RNF25: variants seen among roughly 807,000 people sequenced by gnomAD.
RNF25 encodes the protein E3 ubiquitin-protein ligase RNF25.
A neutral mutation model predicts 65.0 loss-of-function variants in RNF25; 32 were observed. The observed-to-expected ratio is 0.49, with a 90% CI of 0.37 to 0.66. The LOEUF (loss-of-function observed/expected upper bound fraction) is 0.66, where lower values mean the gene tolerates loss of function less well. Ranked by LOEUF, RNF25 falls within the 30% of genes least tolerant of loss-of-function variation. The pLI is 0.00. For synonymous variants in RNF25, 207 were observed against 221.2 expected (o/e 0.94, Z 0.57); for missense variants, 493 against 584.8 (o/e 0.84, Z 1.62).
intron 5 of RNF25, 33 bp downstream of exon 5, chr2:218,667,879 A>T (rs1939868757): frequency 1.9e-6 from 3 of 1,598,918 alleles, no homozygotes; most frequent in Non-Finnish European, 2.6e-6. Flanking sequence ...AGCTTGAAGG[A>T]AAGAACATAT....
intron 1 of RNF25, 40 bp downstream of exon 1, chr2:218,671,890 G>C (rs748173511): frequency 1.2e-6 from 2 of 1,612,718 alleles, no homozygotes; most frequent in African/African-American, 1.3e-5. Context: ...CTCTGGACTA[G>C]ATCCAGGCTG....
In RNF25 at chr2:218,667,988, G is replaced by A. The variant is rs776869833; in HGVS notation, c.288-7C>T. 1.2e-6 allele frequency: 2 copies of A among 1,614,136 alleles called. No individual in the cohort carries two copies. Among genetic ancestry groups the A allele is most frequent in the Admixed American group, 3.3e-5 (2 of 60,020 alleles). ...GCCCAGCACCTGTAAGATCCTGGAG[G>A]AAGAGGGCAAACCAAATATTAGACC... On this transcript the variant is annotated splice_region_variant and splice_polypyrimidine_tract_variant and intron_variant, in intron 4 of 9. Transcript: ENST00000295704.
rs1939818533 is a variant in RNF25, at chr2:218,665,997, C to T, written c.492G>A (p.Arg164=). Residue 164 remains arginine, a synonymous_variant, in exon 7 of 10, where the codon CGG becomes CGA. Coordinates refer to ENST00000295704, the MANE Select transcript of RNF25 (RefSeq NM_022453.3). The stretch of plus-strand genomic sequence containing the variant: ...GCTCTTGCTCCATGTGCTGGATGTA[C>T]CGAGCAAGGCAGTGGCAGTGGAAGT... ...YHYFHCHCLA[R]YIQHMEQELK... 2 of 1,614,102 alleles carry T rather than the reference C, an allele frequency of 1.2e-6. No homozygotes were observed. The highest frequency in any genetic ancestry group is 1.3e-5 in the African/African-American group (1 of 75,014).
Position 218,664,964 on chromosome 2 carries a change from C to G in RNF25, c.667-91G>C. On this transcript the variant is annotated intron_variant, in intron 8 of 9. Transcript: ENST00000295704. This position sits in a 1 kb window ranked among gnomAD's most constrained non-coding sequence, Gnocchi z 5.1. ...CCCAGGCTGCCTCAGGAGATCTGCA[C>G]TGGTTTTGCCCCTCAGGTCTGGGCT... 6.4e-7 allele frequency: 1 copy of G among 1,554,462 alleles called. No individual in the cohort carries two copies. The highest frequency in any genetic ancestry group is 8.7e-7 in the Non-Finnish European group (1 of 1,145,260).
chr2:218,670,491 A>C (rs1179556930), intron 1 of RNF25, among the ~76,000 whole-genome samples: 1 of 151,674 alleles, frequency 6.6e-6, no homozygotes, highest in Non-Finnish European at 1.5e-5. Context: ...GTCAGGAGAT[A>C]GAGACCATCC....
intron 5 of RNF25, 30 bp downstream of exon 5, chr2:218,667,882 G>T (rs766441375): frequency 1.2e-6 from 2 of 1,602,490 alleles, no homozygotes; most frequent in South Asian, 2.2e-5. Flanking sequence ...TTGAAGGAAA[G>T]AACATATCTC....
chr2:218,666,377 G>A (rs758548492), intron 5 of RNF25, 147 bp from the exon 6 acceptor site: 11 of 641,008 alleles, frequency 1.7e-5, no homozygotes, highest in African/African-American at 9.1e-5. Context: ...GCTTGGTGAC[G>A]CTCCCTCTGC....
chr2:218,668,698 A>C lies in RNF25; in HGVS notation c.42-19T>G. Reference sequence around the variant, plus strand: ...AAGGACCCTAGAGAGACAGGAGTAGACTAACTTACCATTACAGCTCTCCCT... The same window carrying C: ...AAGGACCCTAGAGAGACAGGAGTAGCCTAACTTACCATTACAGCTCTCCCT... On this transcript the variant is annotated intron_variant, in intron 1 of 9. Transcript: ENST00000295704. 1 of 1,552,592 alleles carries C rather than the reference A, an allele frequency of 6.4e-7. No individual in the cohort carries two copies. The highest frequency in any genetic ancestry group is 8.9e-7 in the Non-Finnish European group (1 of 1,125,250).
intron 7 of RNF25, among the ~76,000 whole-genome samples, chr2:218,665,674 C>T (rs1055211495): frequency 6.7e-6 from 1 of 150,266 alleles, no homozygotes; most frequent in Non-Finnish European, 1.5e-5. Context: ...ACCCAGGAGG[C>T]GGAGGTTGCA....
intron 4 of RNF25, 37 bp downstream of exon 4, chr2:218,668,042 T>C: frequency 6.2e-7 from 1 of 1,613,086 alleles, no homozygotes; most frequent in African/African-American, 1.3e-5. Context: ...GGCAAAGCTG[T>C]AGCTGAGTTT....
At chr2:218,668,171 C>T in intron 3 of RNF25, 25 bp from the exon 4 acceptor site, 1 of 1,613,734 alleles carries the variant, frequency 6.2e-7, no homozygotes, top group African/African-American at 1.3e-5. Flanking sequence ...TAACAAGTTA[C>T]TGCTGAAGCG....
At chr2:218,670,281 G>A (rs925974461) in intron 1 of RNF25, among the ~76,000 whole-genome samples, 2 of 151,496 alleles carry the variant, frequency 1.3e-5, no homozygotes, top group Non-Finnish European at 2.9e-5. Context: ...GCCAGTACTA[G>A]CTGGGCTCCC....
At chr2:218,668,920 A>G (rs752988900) in intron 1 of RNF25, among the ~76,000 whole-genome samples, 4 of 152,250 alleles carry the variant, frequency 2.6e-5, no homozygotes, top group Admixed American at 6.5e-5. Context: ...CTAGAGAAGT[A>G]AAATGACTAA....
At chr2:218,668,182 G>A (rs2556385) in intron 3 of RNF25, 36 bp from the exon 4 acceptor site, 699,350 of 1,611,658 alleles carry the variant, frequency 0.43, 161,222 homozygotes, top group African/African-American at 0.86. Flanking sequence ...TGCTGAAGCG[G>A]TCCACCCCAG....
chr2:218,664,497 G>A lies in RNF25; in HGVS notation c.840C>T (p.Val280=), dbSNP rs368683871. Residue 280 remains valine (V), a synonymous_variant, in exon 10 of 10, where the codon GTC becomes GTT. Transcript: ENST00000295704. The surrounding 1 kb of genome is among the most constrained non-coding windows in gnomAD (Gnocchi z 5.1). The part of the protein sequence containing the change: ...APAEPESAVD[V]SKGSQPPSTL... ...TGCTGGGTGGTTGGGATCCTTTGGA[G>A]ACATCTACAGCTGACTCAGGTTCCG... is the stretch of plus-strand genomic sequence containing the variant. 1.9e-6 allele frequency: 3 copies of A among 1,613,986 alleles called. No homozygotes were observed. Among genetic ancestry groups the A allele is most frequent in the Non-Finnish European group, 2.5e-6 (3 of 1,180,016 alleles).
In RNF25 at chr2:218,664,114, C is replaced by G; in HGVS notation, c.1223G>C (p.Gly408Ala). 4.6e-6 allele frequency: 7 copies of G among 1,522,948 alleles called. No individual in the cohort carries two copies. Among genetic ancestry groups the G allele is most frequent in the Non-Finnish European group, 6.2e-6 (7 of 1,137,822 alleles). 94.3% of individuals were successfully genotyped at this position (1,522,948 alleles called of 1,614,324 possible). Reference protein sequence around the residue: ...PQEKGPGSWQGPPPRRTRDCV... With the variant: ...PQEKGPGSWQAPPPRRTRDCV... Reference sequence around the variant, plus strand: ...GTCCCGAGTCCTGCGGGGTGGGGGCCCCTGCCAGCTGCCAGGCCCCTTCTC... The same window carrying G: ...GTCCCGAGTCCTGCGGGGTGGGGGCGCCTGCCAGCTGCCAGGCCCCTTCTC... Residue 408 changes from glycine to alanine, a missense_variant, in exon 10 of 10, where the codon GGG becomes GCG. By Grantham distance (60) the Gly-to-Ala change is moderately conservative. Around this residue, in one of 3 missense-constraint regions of RNF25, gnomAD observed 351 missense variants for 400.2 expected, o/e 0.88. Coordinates refer to ENST00000295704, the MANE Select transcript of RNF25 (RefSeq NM_022453.3). The surrounding 1 kb of genome is among the most constrained non-coding windows in gnomAD (Gnocchi z 5.1).
At position 218,668,228 on chromosome 2, in the gene RNF25, A is replaced by T. The variant is rs1186805350; in HGVS notation, c.219+11T>A. 1 of 1,613,632 alleles carries T rather than the reference A, an allele frequency of 6.2e-7. No individual in the cohort carries two copies. Among genetic ancestry groups the T allele is most frequent in the Non-Finnish European group, 8.5e-7 (1 of 1,179,540 alleles). ...CTTCCTCCCTTTGCTGCCACACAGT[A>T]GGGGCTTCACCTCTGCTGGGACCTG... On this transcript the variant is annotated intron_variant, in intron 3 of 9. Coordinates refer to ENST00000295704, the MANE Select transcript of RNF25 (RefSeq NM_022453.3).
Position 218,663,901 on chromosome 2 carries a change from A to G in RNF25, c.*56T>C. 6 of 1,353,482 alleles carry G rather than the reference A, an allele frequency of 4.4e-6. No individual in the cohort carries two copies. The allele number at this position is 1,353,482 out of a possible 1,614,324, so 83.8% of individuals were successfully genotyped here. ...AGCAAAGAAAGCCAAAGAAGGCCAA[A>G]TATCTTTATTGCCTCCCTCCCATCC... On this transcript the variant is annotated 3_prime_UTR_variant, in exon 10 of 10. Coordinates refer to ENST00000295704, the MANE Select transcript of RNF25 (RefSeq NM_022453.3).
intron 7 of RNF25, 72 bp downstream of exon 7, chr2:218,665,844 G>A: frequency 6.4e-7 from 1 of 1,550,702 alleles, no homozygotes; most frequent in Non-Finnish European, 8.7e-7. Flanking sequence ...CACTGGAGTG[G>A]AGAGATGGAA....
Sources: allele counts gnomAD v4.1 joint callset (sites outside exome capture counted in the v4.1 genomes callset), GRCh38; gene constraint gnomAD v4.1.1; regional missense constraint gnomAD v4.1.1; non-coding constraint Gnocchi (gnomAD v3.1); transcripts MANE v1.5; gene names NCBI Gene and HGNC (gene_info 2026-07-23, HGNC 2026-07-21).